CPEB4: variants seen among roughly 807,000 people sequenced by gnomAD.
CPEB4 encodes cytoplasmic polyadenylation element-binding protein 4.
Under a neutral mutation model 72.5 loss-of-function variants are expected in CPEB4, and 12 were observed. That is an observed-to-expected ratio of 0.17 (90% confidence interval 0.11 to 0.27). The LOEUF (loss-of-function observed/expected upper bound fraction) is 0.27. Ranked by LOEUF, CPEB4 falls within the 10% of genes least tolerant of loss-of-function variation. The probability of loss-of-function intolerance (pLI) is 1.00; values close to 1 mark genes in which losing one functional copy is unlikely to be tolerated. For synonymous variants in CPEB4, 302 were observed against 326.3 expected (o/e 0.93, Z 0.80); for missense variants, 614 against 908.5 (o/e 0.68, Z 4.17).
intron 1 of CPEB4, among the ~76,000 whole-genome samples, chr5:173,905,437 G>A (rs558498068): frequency 1.3e-5 from 2 of 151,728 alleles, no homozygotes; most frequent in Non-Finnish European, 1.5e-5. Context: ...AGGTTCAAAC[G>A]ATTCTCCTGC....
chr5:173,953,537 C>T, intron 9 of CPEB4: 1 of 396,782 alleles, frequency 2.5e-6, no homozygotes, highest in Middle Eastern at 6.5e-4. Flanking sequence ...ATCCATCCGT[C>T]CATTCATTCA....
intron 2 of CPEB4, among the ~76,000 whole-genome samples, chr5:173,921,294 T>C (rs1183880367): frequency 6.6e-6 from 1 of 152,154 alleles, no homozygotes; most frequent in Non-Finnish European, 1.5e-5. Flanking sequence ...TCAAAGTAGG[T>C]CTTAATAGTT....
At chr5:173,944,867 C>A in intron 4 of CPEB4, 100 bp from the exon 5 acceptor site, 1 of 976,616 alleles carries the variant, frequency 1.0e-6, no homozygotes, top group Non-Finnish European at 1.6e-6. Context: ...AAAATAAAAG[C>A]AGCAGTTTTA....
intron 3 of CPEB4, among the ~76,000 whole-genome samples, chr5:173,938,249 G>A (rs1310428174): frequency 3.9e-5 from 6 of 152,116 alleles, no homozygotes; most frequent in African/African-American, 9.6e-5. Flanking sequence ...GTTTTGAGAC[G>A]GAATCTCGCT....
Position 173,901,686 on chromosome 5 carries a change from A to G in CPEB4, c.1126-8837A>G, listed in dbSNP as rs532991342. The stretch of plus-strand genomic sequence containing the variant: ...CAATTAGTTAACTTCTCCTAGCTTC[A>G]TTTGCCTACGATGGGGAAAATAAAT... On this transcript the variant is annotated intron_variant, in intron 1 of 9. Coordinates refer to ENST00000265085, the MANE Select transcript of CPEB4 (RefSeq NM_030627.4). 2.6e-5 allele frequency among the ~76,000 whole-genome samples: 4 copies of G among 152,320 alleles called. No individual in the cohort carries two copies. The South Asian group carries it at 8.3e-4, about 32-fold the overall frequency.
At chr5:173,911,474 G>A (rs1400964140) in intron 2 of CPEB4, among the ~76,000 whole-genome samples, 4 of 152,128 alleles carry the variant, frequency 2.6e-5, no homozygotes, top group Non-Finnish European at 4.4e-5. Flanking sequence ...GTGTTAGCCA[G>A]GATGGTCTCG....
At chr5:173,944,385 G>C (rs1008705718) in intron 4 of CPEB4, among the ~76,000 whole-genome samples, 1 of 151,578 alleles carries the variant, frequency 6.6e-6, no homozygotes, top group African/African-American at 2.4e-5. Context: ...TGAGGTGGGA[G>C]GGTCACTTGA....
In CPEB4 at chr5:173,888,413, T is replaced by TGGCGGC. The variant is rs547833435; in HGVS notation, c.-1308_-1303dup. On this transcript the variant is annotated 5_prime_UTR_variant, in exon 1 of 10. Transcript: ENST00000265085. The surrounding 1 kb of genome is among the most constrained non-coding windows in gnomAD (Gnocchi z 4.3). ...GCGGGACCCGGGCACCGGGAGGCGG[T>TGGCGGC]GGCGGCGGCGGCGGCGGCAGCAGCG... The TGGCGGC allele has an allele frequency of 4.0e-4, 177 of 443,916 alleles. No homozygotes were observed. The highest frequency in any genetic ancestry group is 8.7e-4 in the East Asian group (25 of 28,808). 27.5% of individuals were successfully genotyped at this position (443,916 alleles called of 1,614,324 possible).
intron 3 of CPEB4, among the ~76,000 whole-genome samples, chr5:173,934,842 G>A (rs1757567073): frequency 6.6e-6 from 1 of 152,164 alleles, no homozygotes; most frequent in African/African-American, 2.4e-5. Flanking sequence ...ATCAAGATAT[G>A]CACATTGTCC....
chr5:173,915,297 G>GT (rs1235289022), intron 2 of CPEB4, among the ~76,000 whole-genome samples: 2 of 151,902 alleles, frequency 1.3e-5, no homozygotes, highest in Non-Finnish European at 2.9e-5. Flanking sequence ...TTCGTATTAG[G>GT]TTTTTTTATA....
chr5:173,926,656 T>G (rs1757252756), intron 2 of CPEB4, among the ~76,000 whole-genome samples: 1 of 152,216 alleles, frequency 6.6e-6, no homozygotes, highest in Non-Finnish European at 1.5e-5. Context: ...ACTACTGCTT[T>G]TCCTGTCATA....
chr5:173,908,073 A>G lies in CPEB4; in HGVS notation c.1126-2450A>G, dbSNP rs145035606. On this transcript the variant is annotated intron_variant, in intron 1 of 9. Coordinates refer to ENST00000265085, the MANE Select transcript of CPEB4 (RefSeq NM_030627.4). ...TTGCTGAAATAGAACATATCCAGCA[A>G]CTATAGAATGAGATAGTGTAATTTT... Among the ~76,000 whole-genome samples the G allele has an allele frequency of 8.9e-4, 136 of 152,346 alleles. 1 individual carries two copies. The highest frequency in any genetic ancestry group is 3.2e-3 in the African/African-American group (132 of 41,588).
intron 1 of CPEB4, among the ~76,000 whole-genome samples, chr5:173,896,758 G>A (rs530104454): frequency 8.6e-4 from 131 of 152,188 alleles, no homozygotes; most frequent in African/African-American, 2.8e-3. Context: ...AGAAAATACC[G>A]TATCAAGAAA....
chr5:173,899,176 A>G lies in CPEB4; in HGVS notation c.1125+8318A>G, dbSNP rs555986880. Among the ~76,000 whole-genome samples the G allele has an allele frequency of 4.6e-5, 7 of 152,288 alleles. 1 individual carries two copies. The highest frequency in any genetic ancestry group is 9.6e-5 in the African/African-American group (4 of 41,556). On this transcript the variant is annotated intron_variant, in intron 1 of 9. Transcript: ENST00000265085. ...AAAATTTAAATATATTCCATGGTAG[A>G]CAGAATAGTCTAGTGAACTCCCATG...
At position 173,890,433 on chromosome 5, in the gene CPEB4, C is replaced by G; in HGVS notation, c.700C>G (p.Pro234Ala). The G allele has an allele frequency of 6.2e-7, 1 of 1,613,364 alleles. No individual in the cohort carries two copies. The highest frequency in any genetic ancestry group is 8.5e-7 in the Non-Finnish European group (1 of 1,179,578). Reference sequence around the variant, plus strand: ...GATCGGGCCTCTCTCACAGCACCACCCACATCACCCTCATTTCCAGCATCA... The same window carrying G: ...GATCGGGCCTCTCTCACAGCACCACGCACATCACCCTCATTTCCAGCATCA... ...PQIGPLSQHHPHHPHFQHHHS... is the reference protein window; with the variant it reads ...PQIGPLSQHHAHHPHFQHHHS... Residue 234 changes from proline (P) to alanine (A), a missense_variant, in exon 1 of 10, where the codon CCA (proline) becomes GCA (alanine). Pro to Ala is a conservative substitution (Grantham distance 27). This residue lies in a region of CPEB4 where 458 missense variants were observed against 548.6 expected (regional missense o/e 0.83). Transcript: ENST00000265085.
chr5:173,907,267 A>AAACAACAAC (rs758240830), intron 1 of CPEB4, among the ~76,000 whole-genome samples: 1 of 151,796 alleles, frequency 6.6e-6, no homozygotes, highest in Non-Finnish European at 1.5e-5. Flanking sequence ...CTCCGTCTCA[A>AAACAACAAC]AACAACAACA....
At position 173,890,330 on chromosome 5, in the gene CPEB4, G is replaced by A. The variant is rs375388547; in HGVS notation, c.597G>A (p.Ser199=). The A allele has an allele frequency of 6.4e-5, 104 of 1,613,954 alleles. No individual in the cohort carries two copies. Among genetic ancestry groups the A allele is most frequent in the Admixed American group, 1.0e-4 (6 of 60,002 alleles). The change falls in exon 1 of 10, where the codon TCG becomes TCA. Residue 199 remains serine, a synonymous_variant. Transcript: ENST00000265085. ...FFHQGGVPAA[S]ANNGALLFQN... ...ACCAGGGAGGGGTCCCTGCTGCTTCGGCTAATAACGGTGCTCTGTTGTTTC... is the reference window on the plus strand; with the variant it reads ...ACCAGGGAGGGGTCCCTGCTGCTTCAGCTAATAACGGTGCTCTGTTGTTTC...
At position 173,900,823 on chromosome 5, in the gene CPEB4, T is replaced by C. The variant is rs1242833709; in HGVS notation, c.1126-9700T>C. On this transcript the variant is annotated intron_variant, in intron 1 of 9. Coordinates refer to ENST00000265085, the MANE Select transcript of CPEB4 (RefSeq NM_030627.4). The surrounding 1 kb of genome is among the most constrained non-coding windows in gnomAD (Gnocchi z 4.4). ...GTTCACTAACCGCCATGCTTTGTGC[T>C]CCTGCTGCCCATATACCTTATCTCA... 2.0e-5 allele frequency among the ~76,000 whole-genome samples: 3 copies of C among 152,204 alleles called. No individual in the cohort carries two copies. The highest frequency in any genetic ancestry group is 4.4e-5 in the Non-Finnish European group (3 of 68,042).
intron 5 of CPEB4, 150 bp downstream of exon 5, chr5:173,945,290 A>G (rs2113278093): frequency 1.5e-6 from 1 of 650,500 alleles, no homozygotes; most frequent in Middle Eastern, 3.6e-4. Flanking sequence ...CATGGCATAT[A>G]AGATTAATTC....
Sources: gnomAD v4.1 joint callset for allele counts (sites outside exome capture counted in the v4.1 genomes callset) on GRCh38, gnomAD v4.1.1 for gene constraint, gnomAD v4.1.1 regional missense constraint, Gnocchi (gnomAD v3.1) non-coding constraint, MANE v1.5 for transcripts, NCBI Gene and HGNC (gene_info 2026-07-23, HGNC 2026-07-21) for gene names.